Variants in CLASP2 observed in about 807,000 individuals in gnomAD.
The protein encoded by CLASP2 is cytoplasmic linker associated protein 2, also known as CLIP-associating protein 2.
In CLASP2, 47 loss-of-function variants were observed where a neutral mutation model predicts 194.4. That is an observed-to-expected ratio of 0.24 (90% CI 0.19 to 0.31). The LOEUF (loss-of-function observed/expected upper bound fraction) is 0.31, where lower values mean the gene tolerates loss of function less well. Among genes scored for constraint, CLASP2 ranks in the 10% least tolerant of loss-of-function variants. The pLI, the probability that CLASP2 is intolerant of heterozygous loss-of-function variation, is 1.00. For missense variants in CLASP2, 1,445 were observed against 1,823.6 expected, an observed-to-expected ratio of 0.79 and a Z score of 3.78; for synonymous variants, 619 against 633.5, an observed-to-expected ratio of 0.98 and a Z score of 0.34.
At chr3:33,525,250 G>A (rs1036099897) in intron 34 of CLASP2, among the ~76,000 whole-genome samples, 3 of 152,170 alleles carry the variant, frequency 2.0e-5, no homozygotes, top group African/African-American at 7.2e-5. Context: ...ATGGAACACA[G>A]TGAAAACAGT....
At chr3:33,620,769 G>A (rs181876926) in intron 11 of CLASP2, among the ~76,000 whole-genome samples, 11 of 152,262 alleles carry the variant, frequency 7.2e-5, no homozygotes, top group Non-Finnish European at 1.5e-4. Context: ...CCTATGCAAT[G>A]GCCTTTCTGG....
At chr3:33,586,675 T>A (rs914462570) in intron 21 of CLASP2, among the ~76,000 whole-genome samples, 1 of 152,154 alleles carries the variant, frequency 6.6e-6, no homozygotes. Context: ...AATCTAAATG[T>A]AGATTCAGAA....
At chr3:33,692,168 C>A (rs780083668) in intron 2 of CLASP2, among the ~76,000 whole-genome samples, 16 of 151,530 alleles carry the variant, frequency 1.1e-4, no homozygotes, top group Non-Finnish European at 1.9e-4. Flanking sequence ...GACAGTGTCT[C>A]AAAAAAATAA....
In CLASP2 at chr3:33,544,749, A is replaced by C. The variant is rs1162074399; in HGVS notation, c.3246T>G (p.Gly1082=). Residue 1082 remains glycine (G), a synonymous_variant, in exon 31 of 39, where the codon GGT becomes GGG. Coordinates refer to ENST00000682230, the MANE Select transcript of CLASP2 (RefSeq NM_001365631.1). ...LGALPKTFQD[G]ATKLLHNHLR... ...GGTGATTATGAAGAAGCTTGGTAGC[A>C]CCATCCTGAAAAGTTTTTGGTAAAG... The C allele has an allele frequency of 6.2e-7, 1 of 1,613,602 alleles. No homozygotes were observed.
intron 6 of CLASP2, among the ~76,000 whole-genome samples, chr3:33,671,138 T>C (rs1441334439): frequency 6.6e-6 from 1 of 152,168 alleles, no homozygotes; most frequent in Non-Finnish European, 1.5e-5. Flanking sequence ...CTAGCCATTC[T>C]GTCCCACCTA....
At chr3:33,714,216 T>G (rs773703898) in intron 1 of CLASP2, among the ~76,000 whole-genome samples, 9 of 152,204 alleles carry the variant, frequency 5.9e-5, no homozygotes, top group Non-Finnish European at 7.3e-5. Context: ...TGAGGCAAAT[T>G]TTATTGCCAT....
chr3:33,620,103 T>C (rs1339699966), intron 11 of CLASP2, among the ~76,000 whole-genome samples: 4 of 152,236 alleles, frequency 2.6e-5, no homozygotes, highest in Non-Finnish European at 5.9e-5. Context: ...ATTTTGATGA[T>C]CCATTATCAA....
chr3:33,498,665 G>A lies in CLASP2; in HGVS notation c.4487C>T (p.Ala1496Val). 1 of 1,613,414 alleles carries A rather than the reference G, an allele frequency of 6.2e-7. No individual in the cohort carries two copies. The change falls in exon 39 of 39, where the codon GCT becomes GTT. Residue 1496 changes from alanine (A) to valine (V), a missense_variant. This residue lies in a region of CLASP2 where 732 missense variants were observed against 987.9 expected (regional missense o/e 0.74). Coordinates refer to ENST00000682230, the MANE Select transcript of CLASP2 (RefSeq NM_001365631.1). ...TCCAGAAACATCAGTAGTGGGATCA[G>A]CTCCTCCAGAACCTGTTTGTGCACG... ...IKRAQTGSGG[A>V]DPTTDVSGQS
At chr3:33,650,861 G>C (rs1233053208) in intron 7 of CLASP2, among the ~76,000 whole-genome samples, 1 of 152,188 alleles carries the variant, frequency 6.6e-6, no homozygotes, top group African/African-American at 2.4e-5. Context: ...TTGCCTTCAA[G>C]TAACACTTGG....
intron 25 of CLASP2, among the ~76,000 whole-genome samples, chr3:33,572,420 C>T (rs911317320): frequency 1.3e-5 from 2 of 152,128 alleles, no homozygotes; most frequent in African/African-American, 2.4e-5. Context: ...GAAGTAAGTA[C>T]ATCAAACTCT....
chr3:33,572,911 ATTT>A (rs80341372), intron 25 of CLASP2, among the ~76,000 whole-genome samples, 196 bp downstream of exon 25: 2 of 139,532 alleles, frequency 1.4e-5, no homozygotes, highest in Non-Finnish European at 1.6e-5. Context: ...AGAACAAATA[ATTT>A]TTTTTTTTTT....
At chr3:33,602,402 A>T (rs1049625800) in intron 18 of CLASP2, 1 of 649,656 alleles carries the variant, frequency 1.5e-6, no homozygotes, top group African/African-American at 1.8e-5. Context: ...GTGTTCCAGC[A>T]GTACTACCCA....
chr3:33,585,027 T>G, intron 21 of CLASP2, 107 bp from the exon 22 acceptor site: 1 of 920,404 alleles, frequency 1.1e-6, no homozygotes, highest in Non-Finnish European at 1.6e-6. Flanking sequence ...ACTGTGACAG[T>G]ATGGCAGGTT....
chr3:33,552,526 T>C (rs2060199978), intron 29 of CLASP2, among the ~76,000 whole-genome samples: 1 of 152,224 alleles, frequency 6.6e-6, no homozygotes, highest in Admixed American at 6.5e-5. Flanking sequence ...CTCATATACT[T>C]ATTTTTTTGT....
chr3:33,549,797 G>A (rs939208101), intron 30 of CLASP2, among the ~76,000 whole-genome samples: 1 of 151,294 alleles, frequency 6.6e-6, no homozygotes, highest in Non-Finnish European at 1.5e-5. Context: ...GGAGTGCAGT[G>A]GCATGATCTT....
chr3:33,519,722 C>T (rs2052433751), intron 34 of CLASP2, among the ~76,000 whole-genome samples: 1 of 151,926 alleles, frequency 6.6e-6, no homozygotes, highest in Non-Finnish European at 1.5e-5. Flanking sequence ...TTTCTTTGTA[C>T]TACAGTAGTT....
intron 7 of CLASP2, among the ~76,000 whole-genome samples, chr3:33,646,845 G>A (rs1314743977): frequency 1.3e-5 from 2 of 152,046 alleles, no homozygotes; most frequent in Admixed American, 1.3e-4. Context: ...AAGTACCCTC[G>A]AGACTCCTAA....
intron 21 of CLASP2, among the ~76,000 whole-genome samples, chr3:33,588,234 T>G (rs1015884344): frequency 6.6e-6 from 1 of 152,120 alleles, no homozygotes; most frequent in Admixed American, 6.5e-5. Context: ...TTATTCATAC[T>G]TGGAAAAAAA....
At chr3:33,508,383 T>A in intron 37 of CLASP2, among the ~76,000 whole-genome samples, 1 of 152,062 alleles carries the variant, frequency 6.6e-6, no homozygotes, top group Non-Finnish European at 1.5e-5. Flanking sequence ...CAGGCTGGAG[T>A]GCAGTGCTGC....
Sources: gnomAD v4.1 joint callset for allele counts (sites outside exome capture counted in the v4.1 genomes callset) on GRCh38, gnomAD v4.1.1 for gene constraint, gnomAD v4.1.1 regional missense constraint, MANE v1.5 for transcripts, NCBI Gene and HGNC (gene_info 2026-07-23, HGNC 2026-07-21) for gene names.